The following L2HGDH variants were observed in gnomAD, a reference collection of about 807,000 sequenced individuals.
L2HGDH encodes the protein L-2-hydroxyglutarate dehydrogenase, also known as L-2-hydroxyglutarate dehydrogenase, mitochondrial.
In L2HGDH, 34 loss-of-function variants were observed where a neutral mutation model predicts 51.5. That is an observed-to-expected ratio of 0.66 (90% CI 0.50 to 0.88). The LOEUF (loss-of-function observed/expected upper bound fraction) is 0.88, where lower values mean the gene tolerates loss of function less well. L2HGDH is among the 40% of genes least tolerant of loss of function. The pLI is 0.00. For synonymous variants in L2HGDH, 198 were observed against 197.9 expected, an observed-to-expected ratio of 1.00 and a Z score of -0.01; for missense variants, 558 against 571.9, an observed-to-expected ratio of 0.98 and a Z score of 0.25.
intron 7 of L2HGDH, among the ~76,000 whole-genome samples, chr14:50,268,518 T>A (rs958822650): frequency 1.3e-5 from 2 of 151,536 alleles, no homozygotes; most frequent in East Asian, 1.9e-4. Context: ...TCACAAGGGA[T>A]GTCTATGACT....
chr14:50,247,971 A>AC (rs1319711481), intron 9 of L2HGDH, among the ~76,000 whole-genome samples: 4 of 151,170 alleles, frequency 2.6e-5, no homozygotes, highest in Non-Finnish European at 5.9e-5. Flanking sequence ...ATTAAAGAAA[A>AC]TTTTTTTTTG....
chr14:50,258,131 T>C (rs536927296), intron 9 of L2HGDH, among the ~76,000 whole-genome samples: 1 of 151,730 alleles, frequency 6.6e-6, no homozygotes, highest in South Asian at 2.1e-4. Context: ...CTCCCATGTA[T>C]GTATTATCCA....
At chr14:50,260,897 C>T (rs1888977954) in intron 9 of L2HGDH, among the ~76,000 whole-genome samples, 1 of 152,076 alleles carries the variant, frequency 6.6e-6, no homozygotes, top group Non-Finnish European at 1.5e-5. Context: ...GGGTGGATTA[C>T]CTGAGGTCAG....
At chr14:50,301,369 C>A (rs1312318148) in intron 3 of L2HGDH, among the ~76,000 whole-genome samples, 1 of 152,172 alleles carries the variant, frequency 6.6e-6, no homozygotes, top group Non-Finnish European at 1.5e-5. Context: ...TAAACTTATA[C>A]ATGAATGTTC....
chr14:50,259,817 G>C (rs1393003597), intron 9 of L2HGDH, among the ~76,000 whole-genome samples: 1 of 151,822 alleles, frequency 6.6e-6, no homozygotes, highest in Non-Finnish European at 1.5e-5. Flanking sequence ...CTGGGAGACA[G>C]AGCGAGACTC....
chr14:50,280,722 C>T (rs1890220651), intron 5 of L2HGDH, among the ~76,000 whole-genome samples: 1 of 152,158 alleles, frequency 6.6e-6, no homozygotes, highest in Admixed American at 6.5e-5. Context: ...CGATGTTGCC[C>T]AGGCTGGTCT....
rs1176335515 is a variant in L2HGDH, at chr14:50,243,509, T to C, written c.*3549A>G. ...CATTAAAATATTTTAAATATTAATA[T>C]ACATTTCTTCTGTCAGAAATACATA... On this transcript the variant is annotated 3_prime_UTR_variant, in exon 10 of 10. Transcript: ENST00000267436. 2.7e-6 allele frequency: 2 copies of C among 734,528 alleles called. No homozygotes were observed. The highest frequency in any genetic ancestry group is 1.9e-5 in the African/African-American group (1 of 52,352). 45.5% of individuals were successfully genotyped at this position (734,528 alleles called of 1,614,324 possible).
chr14:50,294,996 T>A (rs181746095), intron 3 of L2HGDH, among the ~76,000 whole-genome samples: 328 of 152,214 alleles, frequency 2.2e-3, no homozygotes, highest in Non-Finnish European at 3.6e-3. Context: ...TTTAAATCAA[T>A]AAATAATTAA....
intron 9 of L2HGDH, among the ~76,000 whole-genome samples, chr14:50,257,129 A>C (rs1035715131): frequency 6.6e-6 from 1 of 152,174 alleles, no homozygotes; most frequent in East Asian, 1.9e-4. Flanking sequence ...GGGTTTTGCC[A>C]TGTTGGCTAG....
At chr14:50,255,818 A>G (rs531927149) in intron 9 of L2HGDH, among the ~76,000 whole-genome samples, 32 of 152,188 alleles carry the variant, frequency 2.1e-4, no homozygotes, top group Non-Finnish European at 4.3e-4. Context: ...GCTTGAGGTC[A>G]GGAGTTCCAG....
intron 1 of L2HGDH, 90 bp downstream of exon 1, chr14:50,311,921 G>C: frequency 3.3e-6 from 5 of 1,510,012 alleles, no homozygotes; most frequent in Non-Finnish European, 4.4e-6. Context: ...CCCCGGGACA[G>C]GGAAATACGA....
At position 50,261,155 on chromosome 14, in the gene L2HGDH, C is replaced by T. The variant is rs1202251386; in HGVS notation, c.1196+4203G>A. Among the ~76,000 whole-genome samples, 3 of 151,980 alleles carry T rather than the reference C, an allele frequency of 2.0e-5. No individual in the cohort carries two copies. In the East Asian group the frequency reaches 5.8e-4, roughly 29 times the overall value. ...TTATACAATGAACTGGACACTCCTC[C>T]ACAATAAATAATTATTTGGCTCAAT... On this transcript the variant is annotated intron_variant, in intron 9 of 9. Transcript: ENST00000267436.
At chr14:50,309,702 TAA>T (rs1388644532) in intron 1 of L2HGDH, among the ~76,000 whole-genome samples, 2 of 150,754 alleles carry the variant, frequency 1.3e-5, no homozygotes, top group African/African-American at 2.4e-5. Context: ...TTTTTTTTTT[TAA>T]GAGAGTCTTG....
chr14:50,245,754 C>A lies in L2HGDH; in HGVS notation c.*1304G>T. 1.0e-6 allele frequency: 1 copy of A among 985,108 alleles called. No individual in the cohort carries two copies. The highest frequency in any genetic ancestry group is 1.2e-6 in the Non-Finnish European group (1 of 829,768). 61.0% of individuals were successfully genotyped at this position (985,108 alleles called of 1,614,324 possible). A position where few individuals can be genotyped will look rare whatever the true frequency, so the allele number is the denominator to read the frequency against. ...TTAAGGAAATAATCTATTTTTATGC[C>A]ATCTTTCTCCAAAACTCTTAAAAAG... is the stretch of plus-strand genomic sequence containing the variant. On this transcript the variant is annotated 3_prime_UTR_variant, in exon 10 of 10. Transcript: ENST00000267436.
intron 8 of L2HGDH, 31 bp downstream of exon 8, chr14:50,267,722 T>G (rs1399321894): frequency 6.5e-7 from 1 of 1,534,980 alleles, no homozygotes; most frequent in Non-Finnish European, 9.0e-7. Flanking sequence ...TATAAGCACA[T>G]AAAATCATTT....
At position 50,245,547 on chromosome 14, in the gene L2HGDH, G is replaced by A. The variant is rs1887955814; in HGVS notation, c.*1511C>T. The A allele has an allele frequency of 1.0e-6, 1 of 966,872 alleles. No homozygotes were observed. Among genetic ancestry groups the A allele is most frequent in the African/African-American group, 1.8e-5 (1 of 56,920 alleles). 59.9% of individuals were successfully genotyped at this position (966,872 alleles called of 1,614,324 possible). A position where few individuals can be genotyped will look rare whatever the true frequency, so the allele number is the denominator to read the frequency against. On this transcript the variant is annotated 3_prime_UTR_variant, in exon 10 of 10. Coordinates refer to ENST00000267436, the MANE Select transcript of L2HGDH (RefSeq NM_024884.3). ...AAACTTATTCAAACTACTCAAAAAT[G>A]TAAATTTTATGTATTTTCTTGAAAT...
intron 3 of L2HGDH, 31 bp downstream of exon 3, chr14:50,301,986 A>T: frequency 6.2e-7 from 1 of 1,611,450 alleles, no homozygotes. Context: ...GCTAGTTGGA[A>T]ATTAGTCAAG....
At chr14:50,295,473 C>G (rs1401999654) in intron 3 of L2HGDH, among the ~76,000 whole-genome samples, 1 of 151,892 alleles carries the variant, frequency 6.6e-6, no homozygotes, top group South Asian at 2.1e-4. Flanking sequence ...GTGGCCCAGT[C>G]ATGACTCCCT....
chr14:50,307,564 T>A (rs371343233), intron 1 of L2HGDH, among the ~76,000 whole-genome samples: 1 of 152,220 alleles, frequency 6.6e-6, no homozygotes, highest in East Asian at 1.9e-4. Flanking sequence ...ACAGATAATT[T>A]TCTTAAGCTT....
Sources: allele counts gnomAD v4.1 joint callset (sites outside exome capture counted in the v4.1 genomes callset), GRCh38; gene constraint gnomAD v4.1.1; transcripts MANE v1.5; gene names NCBI Gene and HGNC (gene_info 2026-07-23, HGNC 2026-07-21).